The following ARMH1 variants were observed in gnomAD, a reference collection of about 807,000 sequenced individuals.
The protein encoded by ARMH1 is armadillo like helical domain containing 1.
A neutral mutation model predicts 50.2 loss-of-function variants in ARMH1; 34 were observed. The observed-to-expected ratio is 0.68, with a 90% CI of 0.51 to 0.90. The LOEUF (loss-of-function observed/expected upper bound fraction) is 0.90, where lower values mean the gene tolerates loss of function less well. Ranked by LOEUF, ARMH1 falls within the 40% of genes least tolerant of loss-of-function variation. The probability of loss-of-function intolerance (pLI) is 0.00; values close to 1 mark genes in which losing one functional copy is unlikely to be tolerated. For missense variants in ARMH1, 538 were observed against 553.9 expected, an observed-to-expected ratio of 0.97 and a Z score of 0.29; for synonymous variants, 221 against 224.2, an observed-to-expected ratio of 0.99 and a Z score of 0.13.
At chr1:44,707,706 G>A (rs1261429440) in intron 6 of ARMH1, among the ~76,000 whole-genome samples, 3 of 152,196 alleles carry the variant, frequency 2.0e-5, no homozygotes, top group Non-Finnish European at 4.4e-5. Flanking sequence ...ACAAGCGCAA[G>A]CCACTGCACC....
chr1:44,699,126 CA>C (rs1253277701), intron 4 of ARMH1, among the ~76,000 whole-genome samples: 1 of 150,478 alleles, frequency 6.6e-6, no homozygotes, highest in Non-Finnish European at 1.5e-5. Context: ...ACTGAAAATA[CA>C]AAAAAAAATT....
At chr1:44,692,196 A>T (rs183447545) in intron 2 of ARMH1, among the ~76,000 whole-genome samples, 1 of 152,306 alleles carries the variant, frequency 6.6e-6, no homozygotes, top group East Asian at 1.9e-4. Flanking sequence ...TTGAAGCTGC[A>T]GTGAGCTATG....
At position 44,689,921 on chromosome 1, in the gene ARMH1, G is replaced by C. The variant is rs1557522237; in HGVS notation, c.206+18G>C. 1 of 1,211,222 alleles carries C rather than the reference G, an allele frequency of 8.3e-7. No individual in the cohort carries two copies. 75.0% of individuals were successfully genotyped at this position (1,211,222 alleles called of 1,614,324 possible). ...AGAATCACGTATCCTTTACTGAACA[G>C]AAAAAAAAAAATTAGGCACCGGGCA... On this transcript the variant is annotated intron_variant, in intron 2 of 11. Transcript: ENST00000535358.
At chr1:44,723,827 A>C (rs1201746171) in intron 6 of ARMH1, 1 of 334,792 alleles carries the variant, frequency 3.0e-6, no homozygotes, top group African/African-American at 2.1e-5. Flanking sequence ...TCCTCCATGA[A>C]ACCTGGATTC....
At chr1:44,689,935 A>C in intron 2 of ARMH1, 32 bp downstream of exon 2, 2 of 1,534,876 alleles carry the variant, frequency 1.3e-6, no homozygotes, top group East Asian at 2.5e-5. Context: ...AAAAAAAATT[A>C]GGCACCGGGC....
chr1:44,711,474 C>A (rs939676511), intron 6 of ARMH1, among the ~76,000 whole-genome samples: 1 of 152,128 alleles, frequency 6.6e-6, no homozygotes, highest in African/African-American at 2.4e-5. Context: ...ATTTGTATTT[C>A]TTCTTTGGAG....
chr1:44,702,352 C>T (rs553667898), intron 5 of ARMH1, among the ~76,000 whole-genome samples: 2 of 152,224 alleles, frequency 1.3e-5, no homozygotes, highest in East Asian at 1.9e-4. Context: ...GTTTACCAAT[C>T]GAGAATTTAA....
intron 6 of ARMH1, among the ~76,000 whole-genome samples, chr1:44,705,887 C>T (rs1000306677): frequency 4.0e-5 from 6 of 151,398 alleles, no homozygotes; most frequent in African/African-American, 1.5e-4. Flanking sequence ...TTGGGAAGGT[C>T]GAAAGGAGGA....
chr1:44,684,871 G>GGAA, intron 1 of ARMH1, among the ~76,000 whole-genome samples: 1 of 152,092 alleles, frequency 6.6e-6, no homozygotes, highest in East Asian at 1.9e-4. Context: ...ATGAGTAGAG[G>GGAA]GAAGGTCTAC....
intron 6 of ARMH1, among the ~76,000 whole-genome samples, chr1:44,721,451 A>G (rs1333482453): frequency 1.3e-5 from 2 of 152,200 alleles, no homozygotes; most frequent in African/African-American, 4.8e-5. Flanking sequence ...AGCACACTAG[A>G]AAGACTCACA....
In ARMH1 at chr1:44,725,516, G is replaced by A. The variant is rs567477894; in HGVS notation, c.*113G>A. ...CTCCACTTGGCTCCAGGGGGGAGACGGGGATTAGGCATCCCAGAGGGGCAG... is the reference window on the plus strand; with the variant it reads ...CTCCACTTGGCTCCAGGGGGGAGACAGGGATTAGGCATCCCAGAGGGGCAG... On this transcript the variant is annotated 3_prime_UTR_variant, in exon 12 of 12. Transcript: ENST00000535358. The A allele has an allele frequency of 6.9e-5, 72 of 1,049,196 alleles. No homozygotes were observed. The African/African-American group carries it at 8.1e-4, about 12-fold the overall frequency. 65.0% of individuals were successfully genotyped at this position (1,049,196 alleles called of 1,614,324 possible). A position where few individuals can be genotyped will look rare whatever the true frequency, so the allele number is the denominator to read the frequency against.
chr1:44,713,091 C>T (rs1646689140), intron 6 of ARMH1, among the ~76,000 whole-genome samples: 1 of 150,180 alleles, frequency 6.7e-6, no homozygotes, highest in South Asian at 2.1e-4. Context: ...AGCTACTGCG[C>T]CCGGCCTTTT....
chr1:44,716,227 A>G (rs1646845949), intron 6 of ARMH1, among the ~76,000 whole-genome samples: 1 of 152,018 alleles, frequency 6.6e-6, no homozygotes, highest in African/African-American at 2.4e-5. Flanking sequence ...CACAACTTTA[A>G]TTACCACGAC....
chr1:44,722,658 C>G (rs1157388391), intron 6 of ARMH1, among the ~76,000 whole-genome samples: 2 of 150,872 alleles, frequency 1.3e-5, no homozygotes. Flanking sequence ...GCAGGAGTAT[C>G]GCTTGAACCC....
intron 2 of ARMH1, among the ~76,000 whole-genome samples, chr1:44,693,191 C>T (rs1645715378): frequency 6.6e-6 from 1 of 152,210 alleles, no homozygotes; most frequent in Non-Finnish European, 1.5e-5. Context: ...GGCTGTAGTG[C>T]CAGTGGTCCC....
chr1:44,721,725 C>T (rs975787765), intron 6 of ARMH1: 3 of 151,874 alleles, frequency 2.0e-5, no homozygotes, highest in East Asian at 1.9e-4. Flanking sequence ...GTGGAGCTAC[C>T]CCAACCTCCC....
chr1:44,708,364 G>A (rs1646438110), intron 6 of ARMH1, among the ~76,000 whole-genome samples: 1 of 152,234 alleles, frequency 6.6e-6, no homozygotes, highest in African/African-American at 2.4e-5. Flanking sequence ...GAAGAGTTTA[G>A]TAGGTGACAG....
Position 44,692,672 on chromosome 1 carries a change from A to C in ARMH1, c.206+2769A>C, listed in dbSNP as rs544977251. Reference sequence around the variant, plus strand: ...AATTATTTTTCAGACTCAGGCCTGTAACACAGGCCAAAGGGAATAACCATG... The same window carrying C: ...AATTATTTTTCAGACTCAGGCCTGTCACACAGGCCAAAGGGAATAACCATG... On this transcript the variant is annotated intron_variant, in intron 2 of 11. Coordinates refer to ENST00000535358, the MANE Select transcript of ARMH1 (RefSeq NM_001145636.2). Among the ~76,000 whole-genome samples the C allele has an allele frequency of 5.9e-5, 9 of 152,276 alleles. No homozygotes were observed. In the East Asian group the frequency reaches 1.7e-3, roughly 29 times the overall value.
chr1:44,725,053 C>G lies in ARMH1; in HGVS notation c.1129-83C>G, dbSNP rs975805055. ...GTCAGGCTGCCGACCCGCCCCCCAC[C>G]TGCAACATCCCTCTGCCAAGCCCAA... is the stretch of plus-strand genomic sequence containing the variant. On this transcript the variant is annotated intron_variant, in intron 10 of 11. Coordinates refer to ENST00000535358, the MANE Select transcript of ARMH1 (RefSeq NM_001145636.2). 5.8e-6 allele frequency: 9 copies of G among 1,540,220 alleles called. No individual in the cohort carries two copies. The South Asian group carries it at 1.1e-4, about 19-fold the overall frequency.
Sources: allele counts gnomAD v4.1 joint callset (sites outside exome capture counted in the v4.1 genomes callset), GRCh38; gene constraint gnomAD v4.1.1; transcripts MANE v1.5; gene names NCBI Gene and HGNC (gene_info 2026-07-23, HGNC 2026-07-21).